PDE7A: variants seen among roughly 807,000 people sequenced by gnomAD.
PDE7A encodes the protein phosphodiesterase 7A, also known as high affinity 3',5'-cyclic-AMP phosphodiesterase 7A.
In PDE7A, 39 loss-of-function variants were observed where a neutral mutation model predicts 64.3. The observed-to-expected ratio is 0.61, with a 90% CI of 0.47 to 0.79. The LOEUF is 0.79. Ranked by LOEUF, PDE7A falls within the 30% of genes least tolerant of loss-of-function variation. The pLI is 0.00. For missense variants in PDE7A, 470 were observed against 582.8 expected (o/e 0.81, Z 1.99); for synonymous variants, 203 against 206.8 (o/e 0.98, Z 0.16).
intron 3 of PDE7A, among the ~76,000 whole-genome samples, chr8:65,751,169 A>G (rs563918993): frequency 1.2e-3 from 189 of 152,330 alleles, no homozygotes; most frequent in African/African-American, 4.4e-3. Context: ...ACGTAACAAG[A>G]TTATATTCTG....
chr8:65,727,115 GAA>G, intron 8 of PDE7A, 53 bp downstream of exon 8: 6 of 1,181,064 alleles, frequency 5.1e-6, no homozygotes, highest in Non-Finnish European at 7.5e-6. Context: ...TTCAAAATAT[GAA>G]AGATTTTCTA....
Position 65,755,459 on chromosome 8 carries a change from C to G in PDE7A, c.284-7656G>C, listed in dbSNP as rs189009733. Among the ~76,000 whole-genome samples the G allele has an allele frequency of 3.3e-5, 5 of 152,276 alleles. No homozygotes were observed. In the East Asian group the frequency reaches 9.6e-4, roughly 29 times the overall value. On this transcript the variant is annotated intron_variant, in intron 3 of 12. Coordinates refer to ENST00000401827, the MANE Select transcript of PDE7A (RefSeq NM_001242318.3). ...TGGGGTTTACAATTAACACCTTAAACTTATAAAGACCTAGTTTGAATAATA... is the reference window on the plus strand; with the variant it reads ...TGGGGTTTACAATTAACACCTTAAAGTTATAAAGACCTAGTTTGAATAATA...
intron 3 of PDE7A, among the ~76,000 whole-genome samples, chr8:65,775,112 C>A (rs937297130): frequency 6.6e-6 from 1 of 152,084 alleles, no homozygotes; most frequent in Admixed American, 6.6e-5. Flanking sequence ...CATTTCGATT[C>A]TTATATTTTC....
At chr8:65,779,565 C>A (rs1030317236) in intron 3 of PDE7A, among the ~76,000 whole-genome samples, 155 bp downstream of exon 3, 1 of 152,082 alleles carries the variant, frequency 6.6e-6, no homozygotes, top group Non-Finnish European at 1.5e-5. Context: ...ACTAAGATTA[C>A]CTAGAAATAG....
chr8:65,739,622 AT>A, intron 5 of PDE7A, 25 bp from the exon 6 acceptor site: 1 of 1,481,034 alleles, frequency 6.8e-7, no homozygotes, highest in Non-Finnish European at 9.0e-7. Context: ...GAGACATTAC[AT>A]TAGTAGGAAA....
intron 1 of PDE7A, among the ~76,000 whole-genome samples, chr8:65,801,741 T>C (rs1387055357): frequency 1.3e-5 from 2 of 152,182 alleles, no homozygotes; most frequent in Non-Finnish European, 2.9e-5. Context: ...AAAGATCTCT[T>C]GGATTTGTTA....
intron 1 of PDE7A, among the ~76,000 whole-genome samples, chr8:65,791,463 C>T (rs75509085): frequency 0.057 from 8,663 of 152,240 alleles, 353 homozygotes; most frequent in Middle Eastern, 0.1. Context: ...CTAAACACTC[C>T]AGCTTCACCT....
At chr8:65,762,954 T>G (rs1387155924) in intron 3 of PDE7A, among the ~76,000 whole-genome samples, 2 of 151,040 alleles carry the variant, frequency 1.3e-5, no homozygotes, top group East Asian at 3.9e-4. Context: ...CTGGGCAACA[T>G]AGTGAGCCTC....
intron 1 of PDE7A, among the ~76,000 whole-genome samples, chr8:65,837,148 C>T (rs1382349425): frequency 6.6e-6 from 1 of 152,154 alleles, no homozygotes; most frequent in Non-Finnish European, 1.5e-5. Flanking sequence ...CAACTTTTAT[C>T]CAAGGGGCTT....
chr8:65,724,684 C>G, intron 10 of PDE7A, 93 bp downstream of exon 10: 1 of 1,102,924 alleles, frequency 9.1e-7, no homozygotes, highest in Non-Finnish European at 1.3e-6. Context: ...CAAGATTTAA[C>G]CATTCTGAAA....
intron 1 of PDE7A, among the ~76,000 whole-genome samples, chr8:65,790,767 C>G (rs1458745244): frequency 6.6e-6 from 1 of 152,058 alleles, no homozygotes; most frequent in Non-Finnish European, 1.5e-5. Flanking sequence ...TAATTTTTGC[C>G]ATGAGACTAG....
intron 2 of PDE7A, among the ~76,000 whole-genome samples, chr8:65,781,131 G>A (rs1209587306): frequency 6.6e-6 from 1 of 152,216 alleles, no homozygotes; most frequent in Non-Finnish European, 1.5e-5. Flanking sequence ...GGAATGGCGA[G>A]AGAGGAGCAG....
chr8:65,737,835 T>C (rs1425550372), intron 6 of PDE7A, among the ~76,000 whole-genome samples: 1 of 152,186 alleles, frequency 6.6e-6, no homozygotes, highest in Admixed American at 6.5e-5. Flanking sequence ...AAATATTAAA[T>C]GTCCCCACCA....
chr8:65,818,953 G>C (rs1055640853), intron 1 of PDE7A, among the ~76,000 whole-genome samples: 14 of 152,292 alleles, frequency 9.2e-5, no homozygotes, highest in Middle Eastern at 3.4e-3. Flanking sequence ...ACCAAGCTGG[G>C]GCAGAATTGG....
chr8:65,769,337 A>G (rs1004225276), intron 3 of PDE7A, among the ~76,000 whole-genome samples: 9 of 152,106 alleles, frequency 5.9e-5, no homozygotes, highest in Admixed American at 4.6e-4. Context: ...CGGCCATCTG[A>G]GAAATGACTT....
At position 65,825,468 on chromosome 8, in the gene PDE7A, A is replaced by G. The variant is rs575752293; in HGVS notation, c.138+15903T>C. ...TTAGTTAGAGAGAGATCTAAGTTTA[A>G]ATCCTAGAAATACCACTTATAGCTG... is the stretch of plus-strand genomic sequence containing the variant. On this transcript the variant is annotated intron_variant, in intron 1 of 12. Transcript: ENST00000401827. Among the ~76,000 whole-genome samples the G allele has an allele frequency of 2.0e-5, 3 of 152,330 alleles. No homozygotes were observed. The East Asian group carries it at 5.8e-4, about 29-fold the overall frequency.
At chr8:65,773,689 T>C (rs1158386682) in intron 3 of PDE7A, among the ~76,000 whole-genome samples, 1 of 152,246 alleles carries the variant, frequency 6.6e-6, no homozygotes, top group East Asian at 1.9e-4. Flanking sequence ...CCTTCTCTTG[T>C]CTTTTAGATT....
chr8:65,720,819 A>G (rs999728960), intron 12 of PDE7A, among the ~76,000 whole-genome samples: 1 of 152,198 alleles, frequency 6.6e-6, no homozygotes, highest in Non-Finnish European at 1.5e-5. Context: ...TCTGGCAGCC[A>G]TCTTCACACT....
chr8:65,804,769 C>T (rs1281957227), intron 1 of PDE7A, among the ~76,000 whole-genome samples: 3 of 152,076 alleles, frequency 2.0e-5, no homozygotes, highest in Non-Finnish European at 4.4e-5. Context: ...AAACTCCTGA[C>T]CTCAAGTGAT....
Sources: gnomAD v4.1 joint callset for allele counts (sites outside exome capture counted in the v4.1 genomes callset) on GRCh38, gnomAD v4.1.1 for gene constraint, MANE v1.5 for transcripts, NCBI Gene and HGNC (gene_info 2026-07-23, HGNC 2026-07-21) for gene names.